Variants in EIF4H observed in about 807,000 individuals in gnomAD.
EIF4H encodes eukaryotic translation initiation factor 4H, also known as Williams-Beuren syndrome chromosome region 1.
EIF4H carries 8 observed loss-of-function variants against 30.6 expected under a neutral mutation model. The observed-to-expected ratio is 0.26, with a 90% CI of 0.15 to 0.47. The LOEUF (loss-of-function observed/expected upper bound fraction) is 0.47, where lower values mean the gene tolerates loss of function less well. EIF4H is among the 20% of genes least tolerant of loss of function. The probability of loss-of-function intolerance (pLI) is 0.99; values close to 1 mark genes in which losing one functional copy is unlikely to be tolerated. For synonymous variants in EIF4H, 106 were observed against 122.7 expected, an observed-to-expected ratio of 0.86 and a Z score of 0.90; for missense variants, 188 against 339.5, an observed-to-expected ratio of 0.55 and a Z score of 3.51.
intron 1 of EIF4H, among the ~76,000 whole-genome samples, chr7:74,186,079 C>T (rs941135044): frequency 3.3e-5 from 5 of 152,046 alleles, no homozygotes; most frequent in East Asian, 1.9e-4. Flanking sequence ...TGCTGTATAC[C>T]GGCACACATG....
intron 1 of EIF4H, among the ~76,000 whole-genome samples, chr7:74,186,795 T>G (rs1215941673): frequency 4.0e-4 from 3 of 7,562 alleles, no homozygotes. Flanking sequence ...GAAATTTTTT[T>G]TTTTTTTTTT....
chr7:74,175,622 TAAAAAA>T (rs1459493104), intron 1 of EIF4H, among the ~76,000 whole-genome samples: 2 of 151,986 alleles, frequency 1.3e-5, no homozygotes, highest in East Asian at 3.8e-4. Flanking sequence ...TATTTGCTAA[TAAAAAA>T]AGAAGTAAAT....
At chr7:74,194,598 CA>C in intron 5 of EIF4H, 142 bp from the exon 6 acceptor site, 1 of 1,217,762 alleles carries the variant, frequency 8.2e-7, no homozygotes, top group Non-Finnish European at 1.1e-6. Flanking sequence ...CCACTTTTAA[CA>C]CACTTTATTT....
chr7:74,194,245 C>T (rs1294266854), intron 5 of EIF4H, among the ~76,000 whole-genome samples: 1 of 152,220 alleles, frequency 6.6e-6, no homozygotes, highest in African/African-American at 2.4e-5. Flanking sequence ...ACCTAAAACG[C>T]AGCCAAAACA....
chr7:74,175,891 C>T (rs1800828358), intron 1 of EIF4H, among the ~76,000 whole-genome samples: 1 of 152,066 alleles, frequency 6.6e-6, no homozygotes, highest in South Asian at 2.1e-4. Flanking sequence ...ACACATTTGC[C>T]AGCTCTTCTG....
At chr7:74,174,961 G>A (rs926193278) in intron 1 of EIF4H, among the ~76,000 whole-genome samples, 1 of 152,240 alleles carries the variant, frequency 6.6e-6, no homozygotes, top group Non-Finnish European at 1.5e-5. Flanking sequence ...TTACGTGTGA[G>A]GCAGGGATTT....
intron 5 of EIF4H, among the ~76,000 whole-genome samples, chr7:74,194,287 C>T (rs1801291672): frequency 6.6e-6 from 1 of 152,164 alleles, no homozygotes. Flanking sequence ...TTTATTTTGT[C>T]TTCATATAGC....
At chr7:74,188,138 A>G (rs1318586365) in intron 2 of EIF4H, among the ~76,000 whole-genome samples, 1 of 152,252 alleles carries the variant, frequency 6.6e-6, no homozygotes, top group Non-Finnish European at 1.5e-5. Flanking sequence ...TCCTCCTGGA[A>G]TGACTCGTAG....
intron 5 of EIF4H, 118 bp downstream of exon 5, chr7:74,190,424 A>G (rs2272569): frequency 0.037 from 37,509 of 1,011,970 alleles, 1,347 homozygotes; most frequent in East Asian, 0.14. Context: ...AACAAATACA[A>G]CTCTCCTGCA....
At chr7:74,181,554 C>T (rs1245322907) in intron 1 of EIF4H, among the ~76,000 whole-genome samples, 5 of 152,120 alleles carry the variant, frequency 3.3e-5, no homozygotes, top group Non-Finnish European at 7.3e-5. Flanking sequence ...GCCTCAGCCT[C>T]CCGAGTAGCT....
chr7:74,178,920 T>G (rs1345793198), intron 1 of EIF4H, among the ~76,000 whole-genome samples: 2 of 152,244 alleles, frequency 1.3e-5, no homozygotes, highest in African/African-American at 4.8e-5. Context: ...AGTATGTGGC[T>G]GCTCCACGGT....
intron 1 of EIF4H, among the ~76,000 whole-genome samples, chr7:74,185,515 G>A (rs1442414934): frequency 6.6e-6 from 1 of 152,046 alleles, no homozygotes; most frequent in Admixed American, 6.6e-5. Flanking sequence ...AGAACAGAAC[G>A]TGGAACTTCC....
At chr7:74,176,398 C>G (rs1306468460) in intron 1 of EIF4H, among the ~76,000 whole-genome samples, 1 of 152,060 alleles carries the variant, frequency 6.6e-6, no homozygotes, top group Non-Finnish European at 1.5e-5. Context: ...CCACCGCGCC[C>G]GGCCTCAATT....
intron 1 of EIF4H, among the ~76,000 whole-genome samples, chr7:74,179,365 C>T (rs1466210781): frequency 2.6e-5 from 4 of 152,184 alleles, no homozygotes; most frequent in African/African-American, 9.7e-5. Flanking sequence ...GGCGCGGTGG[C>T]TCACTCCTGT....
chr7:74,195,630 G>C lies in EIF4H; in HGVS notation c.*322G>C, dbSNP rs1465493490. 93 of 235,850 alleles carry C rather than the reference G, an allele frequency of 3.9e-4. No individual in the cohort carries two copies. The highest frequency in any genetic ancestry group is 1.7e-3 in the African/African-American group (77 of 44,088). 14.6% of individuals were successfully genotyped at this position (235,850 alleles called of 1,614,324 possible). ...TCGGAGGAGCAGAGGTGGCCGCCGT[G>C]GGGGGGCGTTTGGGCTGCGGTGCTG... On this transcript the variant is annotated 3_prime_UTR_variant, in exon 7 of 7. Coordinates refer to ENST00000265753, the MANE Select transcript of EIF4H (RefSeq NM_022170.2).
In EIF4H at chr7:74,194,818, C is replaced by T. The variant is rs782274833; in HGVS notation, c.547C>T (p.Arg183Cys). Residue 183 changes from arginine (R) to cysteine (C), a missense_variant, in exon 6 of 7, where the codon CGC (arginine) becomes TGC (cysteine). Physicochemically the swap from Arg to Cys is radical, Grantham distance 180. Transcript: ENST00000265753. ...DRRTGPPMGSRFRDGPPLRGS... is the reference protein window; with the variant it reads ...DRRTGPPMGSCFRDGPPLRGS... ...GCGAACAGGCCCCCCCATGGGCAGC[C>T]GCTTCAGAGATGGCCCTCCCCTCCG... The T allele has an allele frequency of 1.2e-6, 2 of 1,605,428 alleles. No homozygotes were observed. The highest frequency in any genetic ancestry group is 1.7e-6 in the Non-Finnish European group (2 of 1,172,866).
At chr7:74,191,378 C>T (rs111325255) in intron 5 of EIF4H, 4 of 475,904 alleles carry the variant, frequency 8.4e-6, no homozygotes, top group African/African-American at 4.0e-5. Flanking sequence ...TAGAAGTTGC[C>T]CACATACTAA....
At chr7:74,192,324 A>G (rs1801239352) in intron 5 of EIF4H, among the ~76,000 whole-genome samples, 1 of 152,210 alleles carries the variant, frequency 6.6e-6, no homozygotes, top group South Asian at 2.1e-4. Flanking sequence ...AATACTTTGT[A>G]AAGGACCTTA....
intron 1 of EIF4H, among the ~76,000 whole-genome samples, chr7:74,182,366 C>A (rs782018454): frequency 5.3e-5 from 8 of 152,130 alleles, no homozygotes; most frequent in African/African-American, 1.7e-4. Flanking sequence ...CAAATGTTAC[C>A]TGTTTGTAGA....
Sources: gnomAD v4.1 joint callset for allele counts (sites outside exome capture counted in the v4.1 genomes callset) on GRCh38, gnomAD v4.1.1 for gene constraint, MANE v1.5 for transcripts, NCBI Gene and HGNC (gene_info 2026-07-23, HGNC 2026-07-21) for gene names.